Variants in CHST8 observed in about 807,000 individuals in gnomAD.
The protein encoded by CHST8 is carbohydrate sulfotransferase 8.
Under a neutral mutation model 15.0 loss-of-function variants are expected in CHST8, and 10 were observed. The ratio of observed to expected loss-of-function variants is 0.67; its 90% CI spans 0.41 to 1.13. The LOEUF is 1.13. Ranked by LOEUF, CHST8 falls within the 50% of genes most tolerant of loss-of-function variation. The probability of loss-of-function intolerance (pLI) is 0.00; values close to 1 mark genes in which losing one functional copy is unlikely to be tolerated. For synonymous variants in CHST8, 259 were observed against 256.6 expected, an observed-to-expected ratio of 1.01 and a Z score of -0.09; for missense variants, 634 against 608.2, an observed-to-expected ratio of 1.04 and a Z score of -0.45.
At chr19:33,668,213 C>T (rs1464568523) in intron 2 of CHST8, among the ~76,000 whole-genome samples, 2 of 152,122 alleles carry the variant, frequency 1.3e-5, no homozygotes, top group Non-Finnish European at 2.9e-5. Context: ...GTTGAGATGG[C>T]GTGGAAGGGA....
intron 1 of CHST8, among the ~76,000 whole-genome samples, chr19:33,637,822 C>T (rs1017967656): frequency 4.8e-5 from 7 of 146,264 alleles, no homozygotes; most frequent in Non-Finnish European, 1.1e-4. Context: ...ATGATGGCAC[C>T]ACTGGACTCC....
At position 33,697,747 on chromosome 19, in the gene CHST8, G is replaced by A. The variant is rs1007668066; in HGVS notation, c.130+8356G>A. Among the ~76,000 whole-genome samples, 16 of 152,204 alleles carry A rather than the reference G, an allele frequency of 1.1e-4. 1 individual carries two copies. Among genetic ancestry groups the A allele is most frequent in the Non-Finnish European group, 2.4e-4 (16 of 68,036 alleles). On this transcript the variant is annotated intron_variant, in intron 3 of 4. Transcript: ENST00000650847. ...AGTATTGTTGTGTTCCGGACCTGGA[G>A]CAGAGCCTGGGCAGAGAGAACAGTG...
At chr19:33,656,639 G>A (rs987337468) in intron 1 of CHST8, among the ~76,000 whole-genome samples, 87 of 152,060 alleles carry the variant, frequency 5.7e-4, no homozygotes, top group African/African-American at 2.0e-3. Flanking sequence ...GGGCTCAGGC[G>A]ATCCTCCCAC....
At chr19:33,700,966 T>C (rs1235226987) in intron 3 of CHST8, among the ~76,000 whole-genome samples, 2 of 152,058 alleles carry the variant, frequency 1.3e-5, no homozygotes, top group Non-Finnish European at 2.9e-5. Context: ...ATAGGCAGGG[T>C]CGGAACATGG....
chr19:33,642,874 C>A (rs73585487), intron 1 of CHST8, among the ~76,000 whole-genome samples: 1 of 152,158 alleles, frequency 6.6e-6, no homozygotes, highest in African/African-American at 2.4e-5. Flanking sequence ...CCGCACATAA[C>A]CTGTTTAATC....
At chr19:33,765,749 C>T (rs548917960) in intron 3 of CHST8, among the ~76,000 whole-genome samples, 39 of 152,108 alleles carry the variant, frequency 2.6e-4, no homozygotes, top group African/African-American at 7.5e-4. Flanking sequence ...TTAGTAGAGA[C>T]GAGGTTTCAC....
chr19:33,771,980 G>A lies in CHST8; in HGVS notation c.192G>A (p.Gln64=). ...PHHDLPPGGS[Q]DGDLKEPTER... ...AGGACCTCCCACCAGGCGGCTCCCAGGATGGTGACTTGAAGGAACCCACAG... is the reference window on the plus strand; with the variant it reads ...AGGACCTCCCACCAGGCGGCTCCCAAGATGGTGACTTGAAGGAACCCACAG... The change falls in exon 5 of 5, where the codon CAG becomes CAA. Residue 64 remains glutamine (Q), a synonymous_variant. Coordinates refer to ENST00000650847, the MANE Select transcript of CHST8 (RefSeq NM_001127895.2). 1 of 1,578,846 alleles carries A rather than the reference G, an allele frequency of 6.3e-7. No individual in the cohort carries two copies. The highest frequency in any genetic ancestry group is 1.2e-5 in the South Asian group (1 of 86,254).
chr19:33,737,566 A>C (rs1568348849), intron 3 of CHST8, among the ~76,000 whole-genome samples: 1 of 152,186 alleles, frequency 6.6e-6, no homozygotes, highest in African/African-American at 2.4e-5. Context: ...CCAGAAGGGA[A>C]TTGTCCCCAC....
chr19:33,732,030 C>G (rs1974004183), intron 3 of CHST8, among the ~76,000 whole-genome samples: 1 of 152,176 alleles, frequency 6.6e-6, no homozygotes, highest in Non-Finnish European at 1.5e-5. Flanking sequence ...GCTGCGTCTC[C>G]ACTTCAACCC....
rs1568367336 is a variant in CHST8 at position 33,773,396 on chromosome 19, C to T, written c.*333C>T. ...GGGCCCAGCGGTAAGGGATGTCCCGCACTCCCTTAGCCATTGCCTTGGACC... is the reference window on the plus strand; with the variant it reads ...GGGCCCAGCGGTAAGGGATGTCCCGTACTCCCTTAGCCATTGCCTTGGACC... On this transcript the variant is annotated 3_prime_UTR_variant, in exon 5 of 5. Coordinates refer to ENST00000650847, the MANE Select transcript of CHST8 (RefSeq NM_001127895.2). 1 of 363,522 alleles carries T rather than the reference C, an allele frequency of 2.8e-6. No individual in the cohort carries two copies. Among genetic ancestry groups the T allele is most frequent in the Non-Finnish European group, 5.0e-6 (1 of 199,108 alleles). 22.5% of individuals were successfully genotyped at this position (363,522 alleles called of 1,614,324 possible).
chr19:33,644,961 G>C (rs964144611), intron 1 of CHST8, among the ~76,000 whole-genome samples: 8 of 152,046 alleles, frequency 5.3e-5, no homozygotes, highest in Non-Finnish European at 1.2e-4. Context: ...TGTATTCCCA[G>C]GGGAATTTGG....
At chr19:33,713,950 G>A (rs536924956) in intron 3 of CHST8, among the ~76,000 whole-genome samples, 2 of 152,266 alleles carry the variant, frequency 1.3e-5, no homozygotes, top group South Asian at 4.2e-4. Flanking sequence ...AGAACAGCCA[G>A]AACACTGTGG....
intron 1 of CHST8, among the ~76,000 whole-genome samples, chr19:33,650,484 TTTTTTCTTTTC>T (rs1467144162): frequency 3.3e-5 from 5 of 149,786 alleles, no homozygotes; most frequent in Non-Finnish European, 7.4e-5. Context: ...CAAGTTTCTT[TTTTTTCTTTTC>T]TTTTTCTTTT....
chr19:33,726,202 G>A (rs1209856948), intron 3 of CHST8, among the ~76,000 whole-genome samples: 1 of 152,110 alleles, frequency 6.6e-6, no homozygotes, highest in Non-Finnish European at 1.5e-5. Context: ...AGGGGACAGG[G>A]CCAGCCAGTC....
intron 3 of CHST8, among the ~76,000 whole-genome samples, chr19:33,725,920 C>T (rs1470372191): frequency 6.6e-6 from 1 of 152,232 alleles, no homozygotes; most frequent in Non-Finnish European, 1.5e-5. Flanking sequence ...ACTGGAGACA[C>T]TGGGAATGGG....
intron 3 of CHST8, among the ~76,000 whole-genome samples, chr19:33,756,679 C>A (rs748091866): frequency 2.6e-5 from 4 of 152,200 alleles, no homozygotes; most frequent in Non-Finnish European, 4.4e-5. Flanking sequence ...CCTACCCCCG[C>A]CCAACCTGCC....
At chr19:33,677,773 G>C (rs1044492960) in intron 2 of CHST8, among the ~76,000 whole-genome samples, 1 of 152,206 alleles carries the variant, frequency 6.6e-6, no homozygotes, top group African/African-American at 2.4e-5. Flanking sequence ...GATAAAAGCC[G>C]TTAGTCTCTG....
chr19:33,705,275 G>T (rs926671414), intron 3 of CHST8, among the ~76,000 whole-genome samples: 2 of 152,158 alleles, frequency 1.3e-5, no homozygotes, highest in African/African-American at 4.8e-5. Flanking sequence ...CCTGGGCTCC[G>T]CTGACCAACA....
intron 3 of CHST8, among the ~76,000 whole-genome samples, chr19:33,734,856 T>C (rs1229281014): frequency 1.3e-5 from 2 of 152,090 alleles, no homozygotes. Flanking sequence ...GGGGTGAGGT[T>C]CTGTTGACAA....
Sources: gnomAD v4.1 joint callset for allele counts (sites outside exome capture counted in the v4.1 genomes callset) on GRCh38, gnomAD v4.1.1 for gene constraint, MANE v1.5 for transcripts, NCBI Gene and HGNC (gene_info 2026-07-23, HGNC 2026-07-21) for gene names.